Variants in GALNT16 observed in about 807,000 individuals in gnomAD.
The protein encoded by GALNT16 is UDP-GalNAc:polypeptide N-acetylgalactosaminyltransferase-like protein 1.
A neutral mutation model predicts 76.1 loss-of-function variants in GALNT16; 40 were observed. The observed-to-expected ratio is 0.53, with a 90% CI of 0.41 to 0.68. GALNT16 has a LOEUF of 0.68. Among genes scored for constraint, GALNT16 ranks in the 30% least tolerant of loss-of-function variants. The pLI, the probability that GALNT16 is intolerant of heterozygous loss-of-function variation, is 0.00. For synonymous variants in GALNT16, 276 were observed against 285.2 expected, an observed-to-expected ratio of 0.97 and a Z score of 0.32; for missense variants, 621 against 731.9, an observed-to-expected ratio of 0.85 and a Z score of 1.75.
chr14:69,320,153 A>T (rs985677303), intron 1 of GALNT16, among the ~76,000 whole-genome samples: 4 of 152,204 alleles, frequency 2.6e-5, no homozygotes, highest in Non-Finnish European at 5.9e-5. Context: ...GACCAGTTTA[A>T]ATCCAGACCT....
At chr14:69,322,969 TGTGTGTGTGTGTGC>T (rs1312274066) in intron 2 of GALNT16, among the ~76,000 whole-genome samples, 1,351 of 66,954 alleles carry the variant, frequency 0.02, 56 homozygotes, top group African/African-American at 0.14. Flanking sequence ...TGTGTGTGTG[TGTGTGTGTGTGTGC>T]GCGCGCACGC....
intron 1 of GALNT16, among the ~76,000 whole-genome samples, chr14:69,305,366 T>C (rs897536900): frequency 3.3e-5 from 5 of 152,112 alleles, no homozygotes; most frequent in African/African-American, 1.2e-4. Flanking sequence ...TTTCATTGTG[T>C]TGGCCAGGCT....
At chr14:69,334,282 A>G (rs1318126774) in intron 9 of GALNT16, among the ~76,000 whole-genome samples, 1 of 152,162 alleles carries the variant, frequency 6.6e-6, no homozygotes, top group Admixed American at 6.5e-5. Context: ...GGACCCTCAC[A>G]CACTTGCTTC....
chr14:69,270,956 G>GAAA (rs3045600), intron 1 of GALNT16, among the ~76,000 whole-genome samples: 1 of 13,188 alleles, frequency 7.6e-5, no homozygotes, highest in Non-Finnish European at 1.0e-4. Context: ...GAGGCCGGAT[G>GAAA]AAGGAGAACC....
intron 1 of GALNT16, among the ~76,000 whole-genome samples, chr14:69,273,345 C>A (rs1337147306): frequency 6.6e-6 from 1 of 152,182 alleles, no homozygotes; most frequent in Non-Finnish European, 1.5e-5. Context: ...CCTGTTACAG[C>A]CAGAATGACA....
intron 7 of GALNT16, 77 bp downstream of exon 7, chr14:69,331,628 T>C: frequency 1.2e-6 from 1 of 823,722 alleles, no homozygotes; most frequent in Non-Finnish European, 2.1e-6. Context: ...AACCCTTGCT[T>C]GCTGCTCTTT....
chr14:69,345,265 C>T (rs918872301), intron 12 of GALNT16, among the ~76,000 whole-genome samples: 1 of 152,214 alleles, frequency 6.6e-6, no homozygotes, highest in African/African-American at 2.4e-5. Context: ...GCTTGGCAGC[C>T]AGCAGTTTGC....
chr14:69,343,985 G>A (rs1476281885), intron 12 of GALNT16, among the ~76,000 whole-genome samples: 1 of 152,188 alleles, frequency 6.6e-6, no homozygotes, highest in Non-Finnish European at 1.5e-5. Flanking sequence ...CCTCATTCCT[G>A]TCTGGATTAC....
At chr14:69,276,256 C>T (rs1487495037) in intron 1 of GALNT16, among the ~76,000 whole-genome samples, 1 of 152,194 alleles carries the variant, frequency 6.6e-6, no homozygotes, top group Non-Finnish European at 1.5e-5. Flanking sequence ...AGAAGATACA[C>T]AGCGCACTTA....
In GALNT16 at chr14:69,341,843, C is replaced by T; in HGVS notation, c.1271+79C>T. 6 of 832,352 alleles carry T rather than the reference C, an allele frequency of 7.2e-6. No individual in the cohort carries two copies. The South Asian group carries it at 8.6e-5, about 12-fold the overall frequency. The allele number at this position is 832,352 out of a possible 1,614,324, so 51.6% of individuals were successfully genotyped here. A position where few individuals can be genotyped will look rare whatever the true frequency, so the allele number is the denominator to read the frequency against. On this transcript the variant is annotated intron_variant, in intron 12 of 14. Coordinates refer to ENST00000448469, the MANE Select transcript of GALNT16 (RefSeq NM_001168368.2). ...GCCAGCGGCTTTGGTCCCACCCCAC[C>T]CTTAGATCTCCTCAACACTGGTGAT...
chr14:69,283,833 T>C (rs914161048), intron 1 of GALNT16, among the ~76,000 whole-genome samples: 1 of 152,224 alleles, frequency 6.6e-6, no homozygotes, highest in Non-Finnish European at 1.5e-5. Flanking sequence ...CCCTGTGTCA[T>C]GTATTCATTC....
chr14:69,375,380 C>A, the GALNT16 span, among the ~76,000 whole-genome samples: 1 of 152,228 alleles, frequency 6.6e-6, no homozygotes, highest in African/African-American at 2.4e-5. Flanking sequence ...ATGTTTAGAC[C>A]ATTTACATTT....
chr14:69,360,006 G>A (rs758588279), downstream of GALNT16, among the ~76,000 whole-genome samples: 31 of 151,156 alleles, frequency 2.1e-4, no homozygotes, highest in Admixed American at 1.5e-3. Flanking sequence ...GCCTGGCGAC[G>A]GAGTGGGACT....
chr14:69,263,028 C>T (rs949782589), intron 1 of GALNT16, among the ~76,000 whole-genome samples: 19 of 151,944 alleles, frequency 1.3e-4, no homozygotes, highest in Admixed American at 1.1e-3. Flanking sequence ...TACAGGCATG[C>T]GCCACCACTC....
intron 2 of GALNT16, among the ~76,000 whole-genome samples, chr14:69,322,977 T>TGTGTGC: frequency 2.9e-5 from 1 of 34,264 alleles, no homozygotes; most frequent in Non-Finnish European, 4.9e-5. Context: ...TGTGTGTGTG[T>TGTGTGC]GTGTGCGCGC....
At position 69,328,422 on chromosome 14, in the gene GALNT16, C is replaced by T. The variant is rs750072404; in HGVS notation, c.569-28C>T. On this transcript the variant is annotated intron_variant, in intron 5 of 14. Coordinates refer to ENST00000448469, the MANE Select transcript of GALNT16 (RefSeq NM_001168368.2). ...GGGAAGCCAGTTGGCCCAGTCCCAG[C>T]GCCAAGCCCTATCTACTCCTCTTGT... The T allele has an allele frequency of 4.8e-5, 77 of 1,607,198 alleles. No individual in the cohort carries two copies. In the Admixed American group the frequency reaches 7.7e-4, roughly 16 times the overall value.
rs1322861507 is a variant in GALNT16 at position 69,312,349 on chromosome 14, G to A, written c.178-8362G>A. 2.6e-5 allele frequency among the ~76,000 whole-genome samples: 4 copies of A among 152,192 alleles called. No homozygotes were observed. In the East Asian group the frequency reaches 7.7e-4, roughly 29 times the overall value. ...ACAATGATGGCATGCAGACCTTGACGCTTTGCGCTTGTGACTACAGCAGAA... is the reference window on the plus strand; with the variant it reads ...ACAATGATGGCATGCAGACCTTGACACTTTGCGCTTGTGACTACAGCAGAA... On this transcript the variant is annotated intron_variant, in intron 1 of 14. Coordinates refer to ENST00000448469, the MANE Select transcript of GALNT16 (RefSeq NM_001168368.2).
intron 1 of GALNT16, among the ~76,000 whole-genome samples, chr14:69,267,175 A>G (rs1033428735): frequency 1.3e-5 from 2 of 152,204 alleles, no homozygotes; most frequent in African/African-American, 4.8e-5. Context: ...GAGAAGCCAC[A>G]GCCCTGGCCT....
chr14:69,312,119 C>T (rs1444475262), intron 1 of GALNT16, among the ~76,000 whole-genome samples: 1 of 150,868 alleles, frequency 6.6e-6, no homozygotes, highest in Non-Finnish European at 1.5e-5. Flanking sequence ...ATCTATCTGT[C>T]TAATATATAT....
Sources: gnomAD v4.1 joint callset for allele counts (sites outside exome capture counted in the v4.1 genomes callset) on GRCh38, gnomAD v4.1.1 for gene constraint, MANE v1.5 for transcripts, NCBI Gene and HGNC (gene_info 2026-07-23, HGNC 2026-07-21) for gene names.